ZNF91: variants seen among roughly 807,000 people sequenced by gnomAD.
ZNF91 encodes zinc finger protein 91, also known as zinc finger protein 91 (HPF7, HTF10).
ZNF91 carries 7 observed loss-of-function variants against 12.6 expected under a neutral mutation model. The ratio of observed to expected loss-of-function variants is 0.55; its 90% CI spans 0.31 to 1.04. The LOEUF (loss-of-function observed/expected upper bound fraction) is 1.04. Ranked by LOEUF, ZNF91 falls within the 50% of genes least tolerant of loss-of-function variation. ZNF91 has a pLI of 0.05. For synonymous variants in ZNF91, 453 were observed against 462.6 expected, an observed-to-expected ratio of 0.98 and a Z score of 0.27; for missense variants, 1,217 against 1,385.4, an observed-to-expected ratio of 0.88 and a Z score of 1.93.
At chr19:23,319,412 G>A (rs1279045320) in intron 1 of ZNF91, among the ~76,000 whole-genome samples, 1 of 152,218 alleles carries the variant, frequency 6.6e-6, no homozygotes, top group African/African-American at 2.4e-5. Flanking sequence ...CTCTGCTAAA[G>A]AGGGTTATTA....
chr19:23,384,787 GC>G (rs1456302705), intron 1 of ZNF91: 1 of 651,186 alleles, frequency 1.5e-6, no homozygotes, highest in African/African-American at 1.8e-5. Flanking sequence ...GTTCTTCCGG[GC>G]CAACAGCACC....
intron 1 of ZNF91, among the ~76,000 whole-genome samples, chr19:23,321,479 T>A (rs1424770747): frequency 1.3e-5 from 2 of 152,066 alleles, no homozygotes; most frequent in African/African-American, 4.8e-5. Context: ...GGTAATGTAC[T>A]CTCATCTCTT....
chr19:23,309,212 T>G (rs2145840815), intron 1 of ZNF91: 1 of 152,232 alleles, frequency 6.6e-6, no homozygotes, highest in South Asian at 2.1e-4. Context: ...CATGACCTAA[T>G]GCTGGTCCCA....
chr19:23,372,465 G>A (rs1969321082), intron 3 of ZNF91, among the ~76,000 whole-genome samples: 1 of 152,150 alleles, frequency 6.6e-6, no homozygotes, highest in African/African-American at 2.4e-5. Context: ...ATCCAGGATG[G>A]GAGTTATGAA....
downstream of ZNF91, among the ~76,000 whole-genome samples, chr19:23,337,484 A>C (rs1245566094): frequency 1.3e-5 from 2 of 151,756 alleles, no homozygotes; most frequent in Admixed American, 1.3e-4. Context: ...AAAAAAAAAA[A>C]AACTTCCTCC....
At chr19:23,324,365 CCTA>C (rs1212372391) in intron 1 of ZNF91, 4 of 151,964 alleles carry the variant, frequency 2.6e-5, no homozygotes, top group Non-Finnish European at 5.9e-5. Flanking sequence ...CTCCTCCACT[CCTA>C]CTCCTTCTCT....
In ZNF91 at chr19:23,368,548, C is replaced by CTA. The variant is rs1197913888; in HGVS notation, c.253+5193_253+5194insTA. 1.5e-4 allele frequency among the ~76,000 whole-genome samples: 11 copies of CTA among 73,666 alleles called. No individual in the cohort carries two copies. In the East Asian group the frequency reaches 1.9e-3, roughly 13 times the overall value. 48.3% of individuals were successfully genotyped at this position (73,666 alleles called of 152,430 possible). A position where few individuals can be genotyped will look rare whatever the true frequency, so the allele number is the denominator to read the frequency against. On this transcript the variant is annotated intron_variant, in intron 3 of 3. Transcript: ENST00000300619. ...TCTCTCTCTCTCTCTCTCTCTCTCT[C>CTA]TCTCTCTCTCTCTCTATATATATAT... is the stretch of plus-strand genomic sequence containing the variant.
downstream of ZNF91, among the ~76,000 whole-genome samples, chr19:23,354,302 A>G (rs1968435301): frequency 1.3e-5 from 2 of 152,208 alleles, no homozygotes; most frequent in Admixed American, 1.3e-4. Context: ...GTATGCAGGG[A>G]TGGTTTAACA....
At chr19:23,389,558 T>C in intron 1 of ZNF91, among the ~76,000 whole-genome samples, 1 of 152,166 alleles carries the variant, frequency 6.6e-6, no homozygotes, top group East Asian at 1.9e-4. Context: ...AAAGGGGATC[T>C]GCCATCAGAG....
chr19:23,357,097 C>G (rs930278775), downstream of ZNF91, among the ~76,000 whole-genome samples: 1 of 152,164 alleles, frequency 6.6e-6, no homozygotes, highest in Non-Finnish European at 1.5e-5. Context: ...CGTGGTGATG[C>G]ATGCCTGTAA....
intron 3 of ZNF91, among the ~76,000 whole-genome samples, chr19:23,367,537 GT>G (rs1194551307): frequency 5.9e-5 from 9 of 152,014 alleles, no homozygotes; most frequent in African/African-American, 2.2e-4. Context: ...CCCAACAGTA[GT>G]TTTTTAAAGA....
In ZNF91 at chr19:23,368,867, CAAAT is replaced by C. The variant is rs540883622; in HGVS notation, c.253+4871_253+4874del. 2.0e-4 allele frequency among the ~76,000 whole-genome samples: 30 copies of C among 151,324 alleles called. 1 individual carries two copies. The South Asian group carries it at 4.6e-3, about 23-fold the overall frequency. ...TAAAATAAATTTTCATAAAAAAACA[CAAAT>C]AAAAAAACATTTGAAAGGACACACA... On this transcript the variant is annotated intron_variant, in intron 3 of 3. Transcript: ENST00000300619.
chr19:23,394,372 G>C (rs959390940), intron 1 of ZNF91, among the ~76,000 whole-genome samples: 6 of 152,170 alleles, frequency 3.9e-5, no homozygotes, highest in African/African-American at 1.4e-4. Flanking sequence ...TTAGGCTTAA[G>C]CAACTATAAA....
At chr19:23,321,648 G>T (rs564575266) in intron 1 of ZNF91, among the ~76,000 whole-genome samples, 15 of 152,220 alleles carry the variant, frequency 9.9e-5, no homozygotes, top group South Asian at 2.1e-4. Flanking sequence ...AGAAGGTATT[G>T]TGACCTATTG....
chr19:23,386,207 T>G (rs1969867829), intron 1 of ZNF91, among the ~76,000 whole-genome samples: 1 of 151,626 alleles, frequency 6.6e-6, no homozygotes, highest in South Asian at 2.1e-4. Context: ...ATAGAAAAAA[T>G]CAATATCCTA....
chr19:23,380,541 A>G (rs1239446658), intron 1 of ZNF91: 1 of 152,196 alleles, frequency 6.6e-6, no homozygotes, highest in Non-Finnish European at 1.5e-5. Context: ...TCTAAAACAG[A>G]TACACAAAGC....
intron 2 of ZNF91, chr19:23,308,102 T>C (rs1156718132): frequency 6.6e-6 from 1 of 152,162 alleles, no homozygotes; most frequent in African/African-American, 2.4e-5. Flanking sequence ...AGAACCCAGG[T>C]GATGTGCCTC....
chr19:23,311,859 AT>A (rs1370742938), upstream of ZNF91, among the ~76,000 whole-genome samples: 24 of 150,780 alleles, frequency 1.6e-4, no homozygotes, highest in Admixed American at 1.2e-3. Context: ...TCTTTTGTTC[AT>A]CACTAGGTAT....
intron 1 of ZNF91, chr19:23,328,950 A>C (rs1462316020): frequency 6.6e-6 from 1 of 152,116 alleles, no homozygotes; most frequent in Non-Finnish European, 1.5e-5. Context: ...AGAGTTATGT[A>C]TATGTTTTCC....
Sources: gnomAD v4.1 joint callset for allele counts (sites outside exome capture counted in the v4.1 genomes callset) on GRCh38, gnomAD v4.1.1 for gene constraint, MANE v1.5 for transcripts, NCBI Gene and HGNC (gene_info 2026-07-23, HGNC 2026-07-21) for gene names.